Variants in CCDC66 observed in about 807,000 individuals in gnomAD.
CCDC66 encodes coiled-coil domain-containing protein 66.
In CCDC66, 133 loss-of-function variants were observed where a neutral mutation model predicts 128.3. The observed-to-expected ratio is 1.04, with a 90% CI of 0.90 to 1.20. The LOEUF is 1.20. CCDC66 is among the 50% of genes most tolerant of loss of function. CCDC66 has a pLI of 0.00. For synonymous variants in CCDC66, 387 were observed against 357.0 expected (o/e 1.08, Z -0.95); for missense variants, 1,126 against 1,075.5 (o/e 1.05, Z -0.66).
chr3:56,611,128 C>T (rs1000597295), intron 10 of CCDC66, among the ~76,000 whole-genome samples: 9 of 152,058 alleles, frequency 5.9e-5, no homozygotes, highest in Admixed American at 3.9e-4. Context: ...GGCCCTAGAA[C>T]TCTCAAGATT....
chr3:56,619,044 C>T lies in CCDC66; in HGVS notation c.2379-227C>T. 7.7e-6 allele frequency: 3 copies of T among 388,374 alleles called. No homozygotes were observed. The South Asian group carries it at 1.2e-4, about 15-fold the overall frequency. The allele number at this position is 388,374 out of a possible 1,614,324, so 24.1% of individuals were successfully genotyped here. ...GACCAGCCTGGCCAACTTGGTGAAC[C>T]CCGTCTCTACTAAAAATACAGAAAC... is the stretch of plus-strand genomic sequence containing the variant. On this transcript the variant is annotated intron_variant, in intron 15 of 17. Coordinates refer to ENST00000394672, the MANE Select transcript of CCDC66 (RefSeq NM_001141947.3).
intron 10 of CCDC66, among the ~76,000 whole-genome samples, chr3:56,595,138 A>G (rs543274588): frequency 1.3e-5 from 2 of 152,326 alleles, no homozygotes; most frequent in South Asian, 4.1e-4. Context: ...AATGTTTTAT[A>G]TATTTATAGG....
chr3:56,619,951 C>T lies in CCDC66; in HGVS notation c.2760+50C>T, dbSNP rs998098755. ...ATGTCTGTTCTTTATGTGGCGTGGG[C>T]GGTTGGGGGAACCTGTTGAACGGTT... On this transcript the variant is annotated intron_variant, in intron 17 of 17. Transcript: ENST00000394672. 2.6e-5 allele frequency: 41 copies of T among 1,577,012 alleles called. 1 individual carries two copies. The highest frequency in any genetic ancestry group is 1.7e-4 in the Middle Eastern group (1 of 5,872).
chr3:56,614,718 T>C (rs1209460782), intron 11 of CCDC66, among the ~76,000 whole-genome samples: 1 of 152,190 alleles, frequency 6.6e-6, no homozygotes, highest in Admixed American at 6.5e-5. Flanking sequence ...AAGGGACACA[T>C]GGTCTGGGTT....
chr3:56,566,107 C>CTTTTGTTTTGTTTTGTTTTGTTTTGT (rs1553662674), intron 4 of CCDC66, among the ~76,000 whole-genome samples: 5 of 148,822 alleles, frequency 3.4e-5, no homozygotes, highest in Non-Finnish European at 7.4e-5. Context: ...CTTCAGTTTC[C>CTTTTGTTTTGTTTTGTTTTGTTTTGT]TTTGTTTTGT....
rs750927810 is a variant in CCDC66, at chr3:56,617,336, CAAACA to C, written c.2074_2078del (p.Lys692HisfsTer6). On this transcript the variant is annotated frameshift_variant, in exon 14 of 18. Transcript: ENST00000394672. LOFTEE classifies it high-confidence loss of function. ...TAATCAGTTCACAAGAATAGAGAAA[CAAACA>C]AAACACATGAAGAAATATCCTAAAA... The C allele has an allele frequency of 5.5e-5, 89 of 1,611,008 alleles. No homozygotes were observed. The highest frequency in any genetic ancestry group is 7.2e-5 in the Non-Finnish European group (85 of 1,178,724).
intron 7 of CCDC66, among the ~76,000 whole-genome samples, chr3:56,586,622 A>G (rs766404767): frequency 7.9e-5 from 12 of 151,900 alleles, no homozygotes; most frequent in Non-Finnish European, 1.6e-4. Context: ...AAACATCAAG[A>G]TAAATAGTAA....
At chr3:56,577,845 G>T (rs1258101612) in intron 7 of CCDC66, among the ~76,000 whole-genome samples, 1 of 151,782 alleles carries the variant, frequency 6.6e-6, no homozygotes, top group Non-Finnish European at 1.5e-5. Flanking sequence ...TTTGAAGTGA[G>T]ACAGCATGAT....
intron 11 of CCDC66, 126 bp from the exon 12 acceptor site, chr3:56,614,999 CTGT>C: frequency 2.6e-6 from 2 of 774,536 alleles, no homozygotes; most frequent in Non-Finnish European, 3.9e-6. Context: ...GCCTTGTTGA[CTGT>C]TGTACCCTTA....
chr3:56,619,663 G>GT (rs2076085377), intron 16 of CCDC66, 114 bp from the exon 17 acceptor site: 1 of 1,484,248 alleles, frequency 6.7e-7, no homozygotes, highest in African/African-American at 1.4e-5. Flanking sequence ...ATTTTTCTTA[G>GT]TACTTTCCTA....
At chr3:56,618,023 G>GA (rs911261132) in intron 14 of CCDC66, 149 bp from the exon 15 acceptor site, 58 of 678,574 alleles carry the variant, frequency 8.5e-5, no homozygotes, top group Non-Finnish European at 1.2e-4. Context: ...TTTGACTCTG[G>GA]AAAAAACTAT....
intron 10 of CCDC66, among the ~76,000 whole-genome samples, chr3:56,612,006 A>C (rs766263506): frequency 2.0e-5 from 3 of 152,214 alleles, no homozygotes; most frequent in Non-Finnish European, 4.4e-5. Flanking sequence ...CTGTTCTTGC[A>C]GTTGATCTAT....
At chr3:56,567,754 G>A (rs1365861598) in intron 6 of CCDC66, among the ~76,000 whole-genome samples, 2 of 152,030 alleles carry the variant, frequency 1.3e-5, no homozygotes, top group African/African-American at 4.8e-5. Context: ...GTACAGTGGT[G>A]TGATCTCGGC....
At chr3:56,615,344 G>A (rs941915790) in intron 12 of CCDC66, 72 bp downstream of exon 12, 3 of 1,448,274 alleles carry the variant, frequency 2.1e-6, no homozygotes, top group South Asian at 2.8e-5. Flanking sequence ...TTTTATCTTT[G>A]TTTGGAGACA....
At chr3:56,576,232 C>G (rs937890217) in intron 7 of CCDC66, among the ~76,000 whole-genome samples, 1 of 150,622 alleles carries the variant, frequency 6.6e-6, no homozygotes, top group Admixed American at 6.7e-5. Flanking sequence ...TTTCAGTGTA[C>G]AAGTCTTACT....
At chr3:56,614,645 C>A (rs377608375) in intron 11 of CCDC66, among the ~76,000 whole-genome samples, 1 of 152,250 alleles carries the variant, frequency 6.6e-6, no homozygotes, top group East Asian at 1.9e-4. Flanking sequence ...GCACTTTAAA[C>A]ATTTTCTTGC....
At chr3:56,596,361 T>C (rs1020041398) in intron 10 of CCDC66, among the ~76,000 whole-genome samples, 4 of 152,222 alleles carry the variant, frequency 2.6e-5, no homozygotes, top group African/African-American at 9.6e-5. Context: ...TAGAAAAATG[T>C]TTATTAATGT....
chr3:56,621,530 A>G lies in CCDC66; in HGVS notation c.2761-2A>G, dbSNP rs766368966. 3 of 1,580,724 alleles carry G rather than the reference A, an allele frequency of 1.9e-6. No homozygotes were observed. Among genetic ancestry groups the G allele is most frequent in the Non-Finnish European group, 2.6e-6 (3 of 1,163,688 alleles). On this transcript the variant is annotated splice_acceptor_variant, in intron 17 of 17. Coordinates refer to ENST00000394672, the MANE Select transcript of CCDC66 (RefSeq NM_001141947.3). LOFTEE classifies it high-confidence loss of function. ...AACAAACATATATCAATGTGATTTCAGGGCCTTCTCCAGAAGCAAAAGGAG... is the reference window on the plus strand; with the variant it reads ...AACAAACATATATCAATGTGATTTCGGGGCCTTCTCCAGAAGCAAAAGGAG...
In CCDC66 at chr3:56,617,498, A is replaced by G. The variant is rs374166496; in HGVS notation, c.2230A>G (p.Lys744Glu). Residue 744 changes from lysine (K) to glutamate (E), a missense_variant, in exon 14 of 18, where the codon AAA becomes GAA. Physicochemically the swap from Lys to Glu is moderately conservative, Grantham distance 56 (BLOSUM62 1). Coordinates refer to ENST00000394672, the MANE Select transcript of CCDC66 (RefSeq NM_001141947.3). ...GATGGAATTGCTTCATTTGGTAGAA[A>G]AAAATAATCCTGGGCACCTCTCTCA... Reference protein sequence around the residue: ...RQMELLHLVEKNNPGHLSQNR... With the variant: ...RQMELLHLVEENNPGHLSQNR... 8.1e-5 allele frequency: 131 copies of G among 1,613,940 alleles called. No homozygotes were observed. Among genetic ancestry groups the G allele is most frequent in the Non-Finnish European group, 1.1e-4 (129 of 1,179,998 alleles).
Sources: gnomAD v4.1 joint callset for allele counts (sites outside exome capture counted in the v4.1 genomes callset) on GRCh38, gnomAD v4.1.1 for gene constraint, MANE v1.5 for transcripts, NCBI Gene and HGNC (gene_info 2026-07-23, HGNC 2026-07-21) for gene names.